Variants in SCN3A observed in about 807,000 individuals in gnomAD.
The protein encoded by SCN3A is sodium channel protein type 3 subunit alpha.
SCN3A carries 60 observed loss-of-function variants against 187.6 expected under a neutral mutation model. The ratio of observed to expected loss-of-function variants is 0.32; its 90% confidence interval spans 0.26 to 0.40. SCN3A has a LOEUF of 0.40. Ranked by LOEUF, SCN3A falls within the 10% of genes least tolerant of loss-of-function variation. SCN3A has a pLI of 1.00. For synonymous variants in SCN3A, 788 were observed against 829.2 expected (o/e 0.95, Z 0.85); for missense variants, 1,601 against 2,428.2 (o/e 0.66, Z 7.16).
At chr2:165,172,102 C>G (rs1690142651) in intron 3 of SCN3A, among the ~76,000 whole-genome samples, 1 of 152,060 alleles carries the variant, frequency 6.6e-6, no homozygotes, top group African/African-American at 2.4e-5. Context: ...GCAGGGAAAA[C>G]AATTTCTCTG....
intron 9 of SCN3A, among the ~76,000 whole-genome samples, chr2:165,161,062 A>G (rs1689338292): frequency 6.6e-6 from 1 of 150,720 alleles, no homozygotes; most frequent in South Asian, 2.1e-4. Flanking sequence ...AGTTAGGACT[A>G]CACGTGTGCA....
intron 5 of SCN3A, among the ~76,000 whole-genome samples, chr2:165,168,016 G>A (rs1259626630): frequency 1.3e-5 from 2 of 152,042 alleles, no homozygotes; most frequent in African/African-American, 4.8e-5. Flanking sequence ...TGGGATATGA[G>A]GCCACAAAGA....
intron 21 of SCN3A, among the ~76,000 whole-genome samples, chr2:165,108,387 C>A (rs192254216): frequency 6.6e-6 from 1 of 152,080 alleles, no homozygotes; most frequent in East Asian, 1.9e-4. Context: ...TTCACCTCAA[C>A]AGAGCAGCTT....
intron 4 of SCN3A, among the ~76,000 whole-genome samples, chr2:165,169,466 T>C (rs922062898): frequency 3.9e-5 from 6 of 151,922 alleles, no homozygotes; most frequent in Non-Finnish European, 7.4e-5. Context: ...ACATTATACC[T>C]AAACAGATAG....
At chr2:165,109,911 A>G (rs1394801455) in intron 21 of SCN3A, among the ~76,000 whole-genome samples, 2 of 152,180 alleles carry the variant, frequency 1.3e-5, no homozygotes, top group Non-Finnish European at 2.9e-5. Context: ...TTCATCACAT[A>G]CAAGTACGCC....
At chr2:165,179,945 A>G (rs1183326675) in intron 2 of SCN3A, among the ~76,000 whole-genome samples, 7 of 152,030 alleles carry the variant, frequency 4.6e-5, no homozygotes, top group Non-Finnish European at 1.0e-4. Context: ...CTTGGTGTGG[A>G]ATATATATAT....
At chr2:165,163,165 C>G (rs1025352438) in intron 7 of SCN3A, among the ~76,000 whole-genome samples, 4 of 152,052 alleles carry the variant, frequency 2.6e-5, no homozygotes, top group Non-Finnish European at 5.9e-5. Flanking sequence ...CCATTCTTTA[C>G]TCTAGCCTCC....
At chr2:165,147,370 TCTAA>T (rs1271872552) in intron 11 of SCN3A, among the ~76,000 whole-genome samples, 1 of 152,082 alleles carries the variant, frequency 6.6e-6, no homozygotes, top group Non-Finnish European at 1.5e-5. Context: ...TGGTTGCTTA[TCTAA>T]CTACCATTCT....
chr2:165,129,122 T>A (rs186744640), intron 17 of SCN3A, among the ~76,000 whole-genome samples: 4 of 152,262 alleles, frequency 2.6e-5, no homozygotes, highest in Admixed American at 2.6e-4. Context: ...TTCGTAGGTA[T>A]CCCAGTAGCA....
chr2:165,137,859 TA>T lies in SCN3A; in HGVS notation c.2391+19del. ...TCCCACATCTACCAAAGTAAATAAG[TA>T]AACTTCAAATGTACTTACCAGGTTT... is the stretch of plus-strand genomic sequence containing the variant. On this transcript the variant is annotated intron_variant, in intron 15 of 27. Transcript: ENST00000283254. 1 of 1,560,002 alleles carries T rather than the reference TA, an allele frequency of 6.4e-7. No homozygotes were observed.
At chr2:165,161,961 T>C (rs1217383888) in intron 9 of SCN3A, among the ~76,000 whole-genome samples, 1 of 152,212 alleles carries the variant, frequency 6.6e-6, no homozygotes, top group East Asian at 1.9e-4. Flanking sequence ...GATACATATG[T>C]ACACCAATAA....
intron 2 of SCN3A, 134 bp from the exon 3 acceptor site, chr2:165,176,578 C>T (rs1690483759): frequency 1.6e-6 from 1 of 644,650 alleles, no homozygotes; most frequent in Non-Finnish European, 2.7e-6. Context: ...CTGCACTACA[C>T]ATTTGAACTT....
intron 22 of SCN3A, among the ~76,000 whole-genome samples, chr2:165,098,838 T>G (rs1685477174): frequency 1.3e-5 from 2 of 152,198 alleles, no homozygotes; most frequent in African/African-American, 4.8e-5. Context: ...AGAGAAAATT[T>G]ATAAGTTTTA....
Position 165,087,661 on chromosome 2 carries a change from AG to A in SCN3A, c.*2488del, listed in dbSNP as rs1388112665. ...TTGGTTTTGACCTCACATAAATCCA[AG>A]GGTTCTTGAAAAAAAAGTTAATATA... On this transcript the variant is annotated 3_prime_UTR_variant, in exon 28 of 28. Coordinates refer to ENST00000283254, the MANE Select transcript of SCN3A (RefSeq NM_006922.4). 6.6e-6 allele frequency: 1 copy of A among 152,154 alleles called. No individual in the cohort carries two copies. The highest frequency in any genetic ancestry group is 1.9e-4 in the East Asian group (1 of 5,192). The allele number at this position is 152,154 out of a possible 1,614,324, so 9.4% of individuals were successfully genotyped here. A position where few individuals can be genotyped will look rare whatever the true frequency, so the allele number is the denominator to read the frequency against.
intron 2 of SCN3A, among the ~76,000 whole-genome samples, chr2:165,181,965 T>A (rs1192021846): frequency 1.3e-5 from 2 of 152,248 alleles, no homozygotes; most frequent in Non-Finnish European, 2.9e-5. Context: ...GCATTATTTT[T>A]CTTACTGAGA....
intron 18 of SCN3A, among the ~76,000 whole-genome samples, chr2:165,126,858 C>A (rs1184381754): frequency 1.3e-5 from 2 of 152,114 alleles, no homozygotes; most frequent in African/African-American, 4.8e-5. Flanking sequence ...CTTGTACTTT[C>A]CTAATGTGTA....
At chr2:165,103,468 G>T (rs1250612890) in intron 21 of SCN3A, among the ~76,000 whole-genome samples, 2 of 152,062 alleles carry the variant, frequency 1.3e-5, no homozygotes, top group African/African-American at 2.4e-5. Context: ...AGGCACTCTT[G>T]CCAATGTGTG....
chr2:165,185,743 T>G (rs1462041902), intron 2 of SCN3A, among the ~76,000 whole-genome samples: 1 of 152,130 alleles, frequency 6.6e-6, no homozygotes, highest in Non-Finnish European at 1.5e-5. Flanking sequence ...TCTAGTTAGT[T>G]GCAGATGATA....
At chr2:165,196,891 A>G (rs1229624542) in intron 1 of SCN3A, among the ~76,000 whole-genome samples, 2 of 152,096 alleles carry the variant, frequency 1.3e-5, no homozygotes, top group Non-Finnish European at 2.9e-5. Context: ...ACCTACTCTT[A>G]TTCGATTATT....
Sources: allele counts gnomAD v4.1 joint callset (sites outside exome capture counted in the v4.1 genomes callset), GRCh38; gene constraint gnomAD v4.1.1; transcripts MANE v1.5; gene names NCBI Gene and HGNC (gene_info 2026-07-23, HGNC 2026-07-21).